The following ARHGAP6 variants were observed in gnomAD, a reference collection of about 807,000 sequenced individuals.
ARHGAP6 encodes rho GTPase-activating protein 6.
A neutral mutation model predicts 55.7 loss-of-function variants in ARHGAP6; 16 were observed. The observed-to-expected ratio is 0.29, with a 90% confidence interval of 0.19 to 0.44. ARHGAP6 has a LOEUF of 0.44. Among genes scored for constraint, ARHGAP6 ranks in the 20% least tolerant of loss-of-function variants. The pLI is 1.00. For missense variants in ARHGAP6, 698 were observed against 808.9 expected, an observed-to-expected ratio of 0.86 and a Z score of 1.66; for synonymous variants, 382 against 360.9, an observed-to-expected ratio of 1.06 and a Z score of -0.66.
At chrX:11,486,809 A>T (rs2050515273) in intron 1 of ARHGAP6, among the ~76,000 whole-genome samples, 1 of 111,997 alleles carries the variant, frequency 8.9e-6, no homozygotes, top group African/African-American at 3.2e-5. Context: ...CAGGTGAATA[A>T]GGTGCCCATG....
intron 1 of ARHGAP6, among the ~76,000 whole-genome samples, chrX:11,277,699 C>CT (rs202164456): frequency 0.049 from 4,863 of 99,041 alleles, 258 homozygotes; most frequent in African/African-American, 0.16. Flanking sequence ...TTCTAGTATT[C>CT]TTTTTTTTTT....
chrX:11,209,047 C>T (rs751312142), intron 2 of ARHGAP6, among the ~76,000 whole-genome samples: 2 of 112,113 alleles, frequency 1.8e-5, no homozygotes, highest in African/African-American at 6.5e-5. Flanking sequence ...TATGAACACA[C>T]AACTCTTTAT....
chrX:11,385,255 C>G (rs1227370334), intron 1 of ARHGAP6, among the ~76,000 whole-genome samples: 2 of 111,324 alleles, frequency 1.8e-5, no homozygotes, highest in Admixed American at 9.6e-5. Flanking sequence ...TTATTTGGGT[C>G]AGTAACCTTG....
intron 1 of ARHGAP6, among the ~76,000 whole-genome samples, chrX:11,416,015 C>G (rs1819595196): frequency 8.9e-6 from 1 of 112,066 alleles, no homozygotes. Flanking sequence ...ACATTTTAGA[C>G]AACACAGCTA....
At chrX:11,569,318 T>G (rs1429713022) in intron 1 of ARHGAP6, among the ~76,000 whole-genome samples, 2 of 110,822 alleles carry the variant, frequency 1.8e-5, no homozygotes, top group African/African-American at 6.6e-5. Flanking sequence ...GGTGTCTCAG[T>G]TGAGAAGCCC....
intron 5 of ARHGAP6, 103 bp downstream of exon 5, chrX:11,186,133 G>A (rs962822642): frequency 3.7e-6 from 3 of 804,839 alleles, no homozygotes; most frequent in Non-Finnish European, 5.4e-6. Flanking sequence ...TTTCAGTTCA[G>A]AGCTTGATCA....
At chrX:11,418,029 C>T (rs143456190) in intron 1 of ARHGAP6, among the ~76,000 whole-genome samples, 4,128 of 111,959 alleles carry the variant, frequency 0.037, 187 homozygotes, top group African/African-American at 0.13. Flanking sequence ...CTTTAAATCA[C>T]TGATTAATTT....
intron 5 of ARHGAP6, 105 bp downstream of exon 5, chrX:11,186,131 C>A: frequency 1.3e-6 from 1 of 792,961 alleles, no homozygotes; most frequent in Non-Finnish European, 1.8e-6. Flanking sequence ...AATTTCAGTT[C>A]AGAGCTTGAT....
intron 12 of ARHGAP6, among the ~76,000 whole-genome samples, chrX:11,140,822 G>GC (rs2045611232): frequency 8.9e-6 from 1 of 112,287 alleles, no homozygotes; most frequent in Non-Finnish European, 1.9e-5. Flanking sequence ...ATTTTGCAAG[G>GC]CAAAGGAGGA....
chrX:11,631,686 C>G (rs1355278316), intron 1 of ARHGAP6, among the ~76,000 whole-genome samples: 4 of 111,568 alleles, frequency 3.6e-5, no homozygotes, highest in Non-Finnish European at 5.7e-5. Context: ...TGTAAAGGAT[C>G]AAATAAAAAC....
chrX:11,205,809 G>A (rs2046696930), intron 2 of ARHGAP6, among the ~76,000 whole-genome samples: 1 of 111,881 alleles, frequency 8.9e-6, no homozygotes, highest in South Asian at 3.7e-4. Flanking sequence ...ACTTGTCACT[G>A]TAATTTCTTC....
chrX:11,583,262 T>C (rs925129955), intron 1 of ARHGAP6, among the ~76,000 whole-genome samples: 2 of 112,298 alleles, frequency 1.8e-5, no homozygotes, highest in Non-Finnish European at 3.8e-5. Flanking sequence ...ATACAGCACA[T>C]TGAAATCAAG....
chrX:11,634,939 C>T (rs983023733), intron 1 of ARHGAP6, among the ~76,000 whole-genome samples: 74 of 111,671 alleles, frequency 6.6e-4, no homozygotes, highest in African/African-American at 2.3e-3. Flanking sequence ...GGAGGCTCAA[C>T]TGGAGAAGGA....
intron 1 of ARHGAP6, among the ~76,000 whole-genome samples, chrX:11,435,208 T>G (rs1454082666): frequency 8.9e-6 from 1 of 112,076 alleles, no homozygotes; most frequent in Non-Finnish European, 1.9e-5. Flanking sequence ...CAAATGTCAA[T>G]AGTACCAAGG....
At chrX:11,239,273 T>A (rs1170234834) in intron 2 of ARHGAP6, among the ~76,000 whole-genome samples, 2 of 111,386 alleles carry the variant, frequency 1.8e-5, no homozygotes, top group African/African-American at 6.5e-5. Context: ...AAATAAGTCC[T>A]TTCTCCCAGG....
intron 12 of ARHGAP6, among the ~76,000 whole-genome samples, chrX:11,139,880 G>T (rs2045595035): frequency 8.9e-6 from 1 of 112,164 alleles, no homozygotes. Context: ...GGTGAAAGAA[G>T]CATTCCCTTC....
At chrX:11,289,667 G>A (rs769300707) in intron 1 of ARHGAP6, among the ~76,000 whole-genome samples, 9 of 111,950 alleles carry the variant, frequency 8.0e-5, no homozygotes, top group Non-Finnish European at 1.5e-4. Context: ...AACCAGCCCC[G>A]CTATTGGTAG....
chrX:11,366,018 G>T (rs770116476), intron 1 of ARHGAP6, among the ~76,000 whole-genome samples: 1 of 111,645 alleles, frequency 9.0e-6, no homozygotes, highest in East Asian at 2.8e-4. Flanking sequence ...GCAAGGTCTG[G>T]TCTCTTCCTC....
intron 10 of ARHGAP6, among the ~76,000 whole-genome samples, chrX:11,154,409 A>G (rs1350313040): frequency 1.8e-5 from 2 of 112,374 alleles, no homozygotes; most frequent in African/African-American, 6.5e-5. Context: ...TCCTTTTCCT[A>G]ATAGAAGAGA....
Sources: gnomAD v4.1 joint callset for allele counts (sites outside exome capture counted in the v4.1 genomes callset) on GRCh38, gnomAD v4.1.1 for gene constraint, MANE v1.5 for transcripts, NCBI Gene and HGNC (gene_info 2026-07-23, HGNC 2026-07-21) for gene names.